The following BNC1 variants were observed in gnomAD, a reference collection of about 807,000 sequenced individuals.
The protein encoded by BNC1 is basonuclin zinc finger protein 1.
Under a neutral mutation model 66.5 loss-of-function variants are expected in BNC1, and 8 were observed. That is an observed-to-expected ratio of 0.12 (90% CI 0.07 to 0.22). The LOEUF (loss-of-function observed/expected upper bound fraction) is 0.22, where lower values mean the gene tolerates loss of function less well. Among genes scored for constraint, BNC1 ranks in the 10% least tolerant of loss-of-function variants. The pLI, the probability that BNC1 is intolerant of heterozygous loss-of-function variation, is 1.00. For synonymous variants in BNC1, 454 were observed against 452.6 expected (o/e 1.00, Z -0.04); for missense variants, 1,069 against 1,241.3 (o/e 0.86, Z 2.09).
chr15:83,281,689 A>G (rs2038380269), intron 1 of BNC1, among the ~76,000 whole-genome samples: 1 of 152,246 alleles, frequency 6.6e-6, no homozygotes, highest in African/African-American at 2.4e-5. Flanking sequence ...CCCCCACTCC[A>G]TAAGCTGCAG....
chr15:83,276,172 G>A (rs903403363), intron 1 of BNC1, among the ~76,000 whole-genome samples: 1 of 152,208 alleles, frequency 6.6e-6, no homozygotes, highest in Admixed American at 6.5e-5. Flanking sequence ...ATGGGGAGCT[G>A]AAGCAATCAA....
chr15:83,276,407 G>A (rs910899726), intron 1 of BNC1, among the ~76,000 whole-genome samples: 10 of 152,172 alleles, frequency 6.6e-5, no homozygotes, highest in African/African-American at 2.4e-4. Context: ...GCCCTCCACT[G>A]GTATTATCTG....
At chr15:83,281,744 T>C (rs1475575701) in intron 1 of BNC1, among the ~76,000 whole-genome samples, 1 of 152,266 alleles carries the variant, frequency 6.6e-6, no homozygotes, top group Non-Finnish European at 1.5e-5. Context: ...TTTCCCTGTT[T>C]ATACTTATCC....
chr15:83,276,963 G>T (rs527493012), intron 1 of BNC1, among the ~76,000 whole-genome samples: 31 of 152,230 alleles, frequency 2.0e-4, no homozygotes, highest in Non-Finnish European at 4.3e-4. Context: ...AGATTCTAAG[G>T]CTATGCCAGA....
rs1280897869 is a variant in BNC1, at chr15:83,257,548, A to G, written c.2879T>C (p.Val960Ala). 1.9e-6 allele frequency: 3 copies of G among 1,614,078 alleles called. No individual in the cohort carries two copies. Among genetic ancestry groups the G allele is most frequent in the Non-Finnish European group, 2.5e-6 (3 of 1,180,016 alleles). The change falls in exon 5 of 5, where the codon GTA (valine) becomes GCA (alanine). Residue 960 changes from valine to alanine, a missense_variant. Around this residue, in one of 7 missense-constraint regions of BNC1, gnomAD observed 657 missense variants for 715.8 expected, o/e 0.92. Transcript: ENST00000345382. ...CGAAAACATGGTGTTGCAGCCTGGT[A>G]CTTTGCATTTGTGGAGCTGCCGGAG... Reference protein sequence around the residue: ...VHLRQLHKCKVPGCNTMFSSV... With the variant: ...VHLRQLHKCKAPGCNTMFSSV...
chr15:83,283,063 A>C, intron 1 of BNC1: 25 of 1,281,274 alleles, frequency 2.0e-5, no homozygotes, highest in Non-Finnish European at 2.4e-5. Context: ...CGAGCGTCTG[A>C]TGCCCCCCGC....
chr15:83,276,912 C>T (rs774446130), intron 1 of BNC1, among the ~76,000 whole-genome samples: 1 of 152,208 alleles, frequency 6.6e-6, no homozygotes, highest in East Asian at 1.9e-4. Context: ...CAGAGATCAC[C>T]GAAGTTAAGT....
chr15:83,270,953 G>T (rs971304738), intron 1 of BNC1, among the ~76,000 whole-genome samples: 3 of 152,124 alleles, frequency 2.0e-5, no homozygotes, highest in African/African-American at 4.8e-5. Context: ...TAATTTCATG[G>T]TATGTCAATT....
intron 1 of BNC1, among the ~76,000 whole-genome samples, chr15:83,273,143 T>G (rs1034560014): frequency 1.3e-5 from 2 of 152,314 alleles, no homozygotes; most frequent in South Asian, 4.1e-4. Flanking sequence ...ATGAGCCCAT[T>G]TGAATAAGGC....
rs1477304380 is a variant in BNC1, at chr15:83,257,870, C to G, written c.2557G>C (p.Gly853Arg). ...GTAGTGCTCAAATCCAGGATGGTGC[C>G]CTCGCTCAAGGGGCCAGAGTTGTAG... ...ESYNSGPLSE[G>R]TILDLSTTSS... The change falls in exon 5 of 5, where the codon GGC (glycine) becomes CGC (arginine). Residue 853 changes from glycine (G) to arginine (R), a missense_variant. By Grantham distance (125) the Gly-to-Arg change is moderately radical (BLOSUM62 -2). Around this residue, in one of 7 missense-constraint regions of BNC1, gnomAD observed 657 missense variants for 715.8 expected, o/e 0.92. Coordinates refer to ENST00000345382, the MANE Select transcript of BNC1 (RefSeq NM_001717.4). 2.5e-6 allele frequency: 4 copies of G among 1,613,884 alleles called. No individual in the cohort carries two copies. Among genetic ancestry groups the G allele is most frequent in the African/African-American group, 1.3e-5 (1 of 74,866 alleles).
chr15:83,261,140 T>C (rs1019382610), intron 4 of BNC1, among the ~76,000 whole-genome samples: 23 of 152,184 alleles, frequency 1.5e-4, no homozygotes, highest in African/African-American at 5.5e-4. Context: ...AAAGATAATA[T>C]GACCAACATG....
chr15:83,282,619 G>C (rs1035147126), intron 1 of BNC1, among the ~76,000 whole-genome samples: 9 of 152,218 alleles, frequency 5.9e-5, no homozygotes, highest in Admixed American at 2.0e-4. Context: ...CTGAACAAAA[G>C]TTTCAATACA....
chr15:83,259,514 C>A (rs918748138), intron 4 of BNC1, among the ~76,000 whole-genome samples: 6 of 152,226 alleles, frequency 3.9e-5, no homozygotes, highest in Non-Finnish European at 8.8e-5. Context: ...GAATTATACT[C>A]CCAGATCACC....
Position 83,264,188 on chromosome 15 carries a change from C to T in BNC1, c.1063G>A (p.Gly355Ser), listed in dbSNP as rs377144673. ...PERNSLGTKK[G>S]RVFCTACEKT... is the part of the protein sequence containing the mutation. ...TCACATGCAGTGCAGAACACCCGGC[C>T]CTTCTTTGTACCAAGGCTATTCCTC... Residue 355 changes from glycine to serine, a missense_variant, in exon 4 of 5, where the codon GGC (glycine) becomes AGC (serine). Physicochemically the swap from Gly to Ser is moderately conservative, Grantham distance 56. Around this residue, in one of 7 missense-constraint regions of BNC1, gnomAD observed 82 missense variants for 136.3 expected, o/e 0.60. Coordinates refer to ENST00000345382, the MANE Select transcript of BNC1 (RefSeq NM_001717.4). The T allele has an allele frequency of 6.2e-7, 1 of 1,614,176 alleles. No homozygotes were observed.
At chr15:83,260,460 AAAGGGGTTAT>A (rs1431577633) in intron 4 of BNC1, among the ~76,000 whole-genome samples, 1 of 152,212 alleles carries the variant, frequency 6.6e-6, no homozygotes, top group Non-Finnish European at 1.5e-5. Context: ...AAGTATTTGT[AAAGGGGTTAT>A]AAGACCAAAA....
intron 1 of BNC1, among the ~76,000 whole-genome samples, chr15:83,284,180 G>T (rs2038417634): frequency 6.6e-6 from 1 of 152,106 alleles, no homozygotes; most frequent in South Asian, 2.1e-4. Flanking sequence ...CCTGGGGTGC[G>T]GGCGGCAGAG....
At chr15:83,283,759 C>T (rs2038410138) in intron 1 of BNC1, among the ~76,000 whole-genome samples, 1 of 152,230 alleles carries the variant, frequency 6.6e-6, no homozygotes, top group African/African-American at 2.4e-5. Flanking sequence ...GGAGCCGCGA[C>T]AAGGACTCCA....
chr15:83,268,940 C>G (rs1448192211), intron 1 of BNC1, among the ~76,000 whole-genome samples: 1 of 152,186 alleles, frequency 6.6e-6, no homozygotes, highest in South Asian at 2.1e-4. Context: ...AAAAACAAAG[C>G]TTTGTCTGAG....
At position 83,263,242 on chromosome 15, in the gene BNC1, T is replaced by G; in HGVS notation, c.2009A>C (p.Asp670Ala). 3 of 1,614,160 alleles carry G rather than the reference T, an allele frequency of 1.9e-6. No individual in the cohort carries two copies. Among genetic ancestry groups the G allele is most frequent in the Non-Finnish European group, 2.5e-6 (3 of 1,180,032 alleles). ...PGMEPQVPFSDYMELQQRLLA... is the reference protein window; with the variant it reads ...PGMEPQVPFSAYMELQQRLLA... ...CAGGCGCTGCTGCAGTTCCATGTAG[T>G]CAGAAAAAGGAACTTGGGGTTCCAT... The change falls in exon 4 of 5, where the codon GAC (aspartate) becomes GCC (alanine). Residue 670 changes from aspartate (D) to alanine (A), a missense_variant. Transcript: ENST00000345382.
Sources: gnomAD v4.1 joint callset for allele counts (sites outside exome capture counted in the v4.1 genomes callset) on GRCh38, gnomAD v4.1.1 for gene constraint, gnomAD v4.1.1 regional missense constraint, MANE v1.5 for transcripts, NCBI Gene and HGNC (gene_info 2026-07-23, HGNC 2026-07-21) for gene names.